Variants in PPP2R5A observed in about 807,000 individuals in gnomAD.
The protein encoded by PPP2R5A is serine/threonine-protein phosphatase 2A 56 kDa regulatory subunit alpha isoform.
PPP2R5A carries 25 observed loss-of-function variants against 64.2 expected under a neutral mutation model. The observed-to-expected ratio is 0.39, with a 90% CI of 0.28 to 0.54. PPP2R5A has a LOEUF of 0.54. Ranked by LOEUF, PPP2R5A falls within the 20% of genes least tolerant of loss-of-function variation. PPP2R5A has a pLI of 0.67. For missense variants in PPP2R5A, 425 were observed against 576.3 expected (o/e 0.74, Z 2.69); for synonymous variants, 198 against 201.2 (o/e 0.98, Z 0.13).
At chr1:212,302,766 T>C (rs183155159) in intron 1 of PPP2R5A, among the ~76,000 whole-genome samples, 1 of 152,348 alleles carries the variant, frequency 6.6e-6, no homozygotes, top group Admixed American at 6.5e-5. Flanking sequence ...AGGGATTCCT[T>C]GAGTAACCAT....
intron 3 of PPP2R5A, among the ~76,000 whole-genome samples, chr1:212,341,323 GTTCA>G (rs567947999): frequency 2.8e-4 from 43 of 152,248 alleles, no homozygotes; most frequent in Admixed American, 2.4e-3. Flanking sequence ...ACGTAATTTG[GTTCA>G]TTATTTCTCA....
At chr1:212,322,613 TTC>T (rs971534626) in intron 1 of PPP2R5A, among the ~76,000 whole-genome samples, 44 of 152,324 alleles carry the variant, frequency 2.9e-4, no homozygotes, top group African/African-American at 1.0e-3. Context: ...GCAGCTTCGC[TTC>T]TCTCATTTAA....
At chr1:212,337,608 T>C (rs1029761830) in intron 3 of PPP2R5A, among the ~76,000 whole-genome samples, 3 of 152,158 alleles carry the variant, frequency 2.0e-5, no homozygotes, top group African/African-American at 7.2e-5. Context: ...GCACTAACTT[T>C]ATAGCCACAA....
At chr1:212,355,733 A>G (rs778223687) in intron 8 of PPP2R5A, among the ~76,000 whole-genome samples, 27 of 152,154 alleles carry the variant, frequency 1.8e-4, no homozygotes, top group Admixed American at 7.2e-4. Flanking sequence ...TTCTGGAATA[A>G]GTTACAATTA....
rs745549414 is a variant in PPP2R5A at position 212,333,483 on chromosome 1, T to A, written c.379-14T>A. ...ACATACAACAACGAACGTAAAATTA[T>A]TTTTTCTTTACAGATCAGTGCTAAC... On this transcript the variant is annotated splice_polypyrimidine_tract_variant and intron_variant, in intron 2 of 12. Transcript: ENST00000261461. 3 of 1,458,142 alleles carry A rather than the reference T, an allele frequency of 2.1e-6. No individual in the cohort carries two copies. The highest frequency in any genetic ancestry group is 2.8e-6 in the Non-Finnish European group (3 of 1,079,700). The allele number at this position is 1,458,142 out of a possible 1,614,324, so 90.3% of individuals were successfully genotyped here. A position where few individuals can be genotyped will look rare whatever the true frequency, so the allele number is the denominator to read the frequency against.
chr1:212,318,807 G>A (rs1445704301), intron 1 of PPP2R5A, among the ~76,000 whole-genome samples: 1 of 152,068 alleles, frequency 6.6e-6, no homozygotes, highest in African/African-American at 2.4e-5. Flanking sequence ...CATTTACATT[G>A]TATTAGGTAT....
Position 212,357,169 on chromosome 1 carries a change from G to T in PPP2R5A, c.1111G>T (p.Ala371Ser), listed in dbSNP as rs1432755922. ...SSSHFQVAERALYFWNNEYIL... is the reference protein window; with the variant it reads ...SSSHFQVAERSLYFWNNEYIL... ...TGTCTTTTTTTAGGTTGCAGAAAGGGCATTGTACTTCTGGAATAACGAATA... is the reference window on the plus strand; with the variant it reads ...TGTCTTTTTTTAGGTTGCAGAAAGGTCATTGTACTTCTGGAATAACGAATA... The change falls in exon 11 of 13, where the codon GCA (alanine) becomes TCA (serine). Residue 371 changes from alanine (A) to serine (S), a missense_variant. Physicochemically the swap from Ala to Ser is moderately conservative, Grantham distance 99. Coordinates refer to ENST00000261461, the MANE Select transcript of PPP2R5A (RefSeq NM_006243.4). 3 of 1,586,338 alleles carry T rather than the reference G, an allele frequency of 1.9e-6. No individual in the cohort carries two copies. Among genetic ancestry groups the T allele is most frequent in the Non-Finnish European group, 1.7e-6 (2 of 1,169,386 alleles).
chr1:212,291,288 G>T (rs1658598263), intron 1 of PPP2R5A, among the ~76,000 whole-genome samples: 1 of 151,944 alleles, frequency 6.6e-6, no homozygotes, highest in Non-Finnish European at 1.5e-5. Flanking sequence ...GCCATGGCTG[G>T]TCAGGCTGGT....
At chr1:212,325,902 C>A (rs1381055477) in intron 1 of PPP2R5A, among the ~76,000 whole-genome samples, 1 of 152,056 alleles carries the variant, frequency 6.6e-6, no homozygotes. Context: ...AAGCAGACAT[C>A]TTTTTGTTAG....
At chr1:212,346,738 T>C (rs963622818) in intron 5 of PPP2R5A, among the ~76,000 whole-genome samples, 5 of 152,198 alleles carry the variant, frequency 3.3e-5, no homozygotes, top group Admixed American at 3.3e-4. Context: ...TTTGTTTAAT[T>C]AATTGAAGAT....
At chr1:212,357,384 G>A in intron 11 of PPP2R5A, 100 bp downstream of exon 11, 1 of 1,137,018 alleles carries the variant, frequency 8.8e-7, no homozygotes, top group East Asian at 2.8e-5. Flanking sequence ...TTACAGATTT[G>A]GAAGTTACTC....
At chr1:212,320,820 C>T (rs566877434) in intron 1 of PPP2R5A, among the ~76,000 whole-genome samples, 4 of 137,944 alleles carry the variant, frequency 2.9e-5, no homozygotes, top group Non-Finnish European at 4.8e-5. Flanking sequence ...GGCTGACCCC[C>T]CCACCTCCCT....
intron 9 of PPP2R5A, 52 bp from the exon 10 acceptor site, chr1:212,356,898 T>G: frequency 7.1e-7 from 1 of 1,414,430 alleles, no homozygotes; most frequent in South Asian, 1.4e-5. Context: ...GGTTTCTATA[T>G]TAGTTTCACA....
chr1:212,342,025 AT>A (rs1289230407), intron 3 of PPP2R5A, among the ~76,000 whole-genome samples, 162 bp from the exon 4 acceptor site: 1 of 152,116 alleles, frequency 6.6e-6, no homozygotes, highest in Non-Finnish European at 1.5e-5. Flanking sequence ...ACAGGTGTGA[AT>A]TTTTAAAAAA....
At chr1:212,292,067 C>T (rs1384206274) in intron 1 of PPP2R5A, among the ~76,000 whole-genome samples, 2 of 152,156 alleles carry the variant, frequency 1.3e-5, no homozygotes, top group African/African-American at 4.8e-5. Flanking sequence ...AGGAACTATT[C>T]TTGAACTTTA....
chr1:212,360,821 T>A lies in PPP2R5A; in HGVS notation c.*51T>A. 1 of 1,468,226 alleles carries A rather than the reference T, an allele frequency of 6.8e-7. No homozygotes were observed. 90.9% of individuals were successfully genotyped at this position (1,468,226 alleles called of 1,614,324 possible). ...ATAGGCAGAGTTTTGTATGCTTTTT[T>A]GAAATATGTAAAAATTACAAAACAA... On this transcript the variant is annotated 3_prime_UTR_variant, in exon 13 of 13. Coordinates refer to ENST00000261461, the MANE Select transcript of PPP2R5A (RefSeq NM_006243.4).
intron 4 of PPP2R5A, among the ~76,000 whole-genome samples, chr1:212,345,193 C>A (rs61702233): frequency 6.6e-6 from 1 of 150,756 alleles, no homozygotes; most frequent in African/African-American, 2.4e-5. Context: ...TTGGCCTCAT[C>A]TTTTAGTCCA....
intron 3 of PPP2R5A, among the ~76,000 whole-genome samples, chr1:212,339,474 G>A (rs1659649525): frequency 6.6e-6 from 1 of 152,124 alleles, no homozygotes; most frequent in Non-Finnish European, 1.5e-5. Context: ...ACTGCACCCG[G>A]ACCTCAATAT....
chr1:212,349,213 C>T lies in PPP2R5A; in HGVS notation c.898C>T (p.Leu300=). The T allele has an allele frequency of 1.3e-6, 2 of 1,578,280 alleles. No homozygotes were observed. The highest frequency in any genetic ancestry group is 8.7e-7 in the Non-Finnish European group (1 of 1,155,220). ...GCTAGCATATTGTGTTGTACAGTTC[C>T]TGGAGAAAGATACAACACTAACAGA... The part of the protein sequence containing the change: ...AQLAYCVVQF[L]EKDTTLTEPV... Residue 300 remains leucine, a synonymous_variant, in exon 8 of 13, where the codon CTG becomes TTG. Coordinates refer to ENST00000261461, the MANE Select transcript of PPP2R5A (RefSeq NM_006243.4).
Sources: allele counts gnomAD v4.1 joint callset (sites outside exome capture counted in the v4.1 genomes callset), GRCh38; gene constraint gnomAD v4.1.1; transcripts MANE v1.5; gene names NCBI Gene and HGNC (gene_info 2026-07-23, HGNC 2026-07-21).